The following CHN2 variants were observed in gnomAD, a reference collection of about 807,000 sequenced individuals.
CHN2 encodes the protein chimerin 2.
A neutral mutation model predicts 56.3 loss-of-function variants in CHN2; 35 were observed. The observed-to-expected ratio is 0.62, with a 90% CI of 0.47 to 0.82. The LOEUF (loss-of-function observed/expected upper bound fraction) is 0.82, where lower values mean the gene tolerates loss of function less well. Among genes scored for constraint, CHN2 ranks in the 40% least tolerant of loss-of-function variants. The pLI is 0.00. For synonymous variants in CHN2, 210 were observed against 212.8 expected (o/e 0.99, Z 0.12); for missense variants, 491 against 580.5 (o/e 0.85, Z 1.58).
At chr7:29,457,772 TGC>T (rs753412887) in intron 6 of CHN2, among the ~76,000 whole-genome samples, 6 of 152,264 alleles carry the variant, frequency 3.9e-5, no homozygotes, top group Non-Finnish European at 7.4e-5. Context: ...GACATGGCAG[TGC>T]GCGCTTCCAT....
chr7:29,263,552 T>C (rs945218222), intron 1 of CHN2, among the ~76,000 whole-genome samples: 1 of 151,058 alleles, frequency 6.6e-6, no homozygotes, highest in Non-Finnish European at 1.5e-5. Flanking sequence ...GGAGCGCCTC[T>C]TTCCAGCCGC....
At chr7:29,353,061 CACTG>C (rs1798005863) in intron 1 of CHN2, among the ~76,000 whole-genome samples, 1 of 152,204 alleles carries the variant, frequency 6.6e-6, no homozygotes. Flanking sequence ...ATCACTAACG[CACTG>C]ACTGTGTGTG....
chr7:29,437,671 G>C (rs1585391589), intron 6 of CHN2, among the ~76,000 whole-genome samples: 1 of 151,070 alleles, frequency 6.6e-6, no homozygotes, highest in African/African-American at 2.4e-5. Context: ...GCTTCTTCCT[G>C]CTAAGAGGCT....
chr7:29,451,750 A>G (rs903432530), intron 6 of CHN2, among the ~76,000 whole-genome samples: 37 of 152,160 alleles, frequency 2.4e-4, no homozygotes, highest in Non-Finnish European at 4.3e-4. Flanking sequence ...CCCACCAAGG[A>G]AACTAGGGTG....
At chr7:29,296,287 G>A (rs1793155810) in intron 1 of CHN2, among the ~76,000 whole-genome samples, 1 of 152,020 alleles carries the variant, frequency 6.6e-6, no homozygotes, top group Non-Finnish European at 1.5e-5. Context: ...GTTTCGCCAT[G>A]TTGACCAGGC....
chr7:29,446,917 A>G (rs1784071069), intron 6 of CHN2, among the ~76,000 whole-genome samples: 2 of 152,174 alleles, frequency 1.3e-5, no homozygotes, highest in South Asian at 2.1e-4. Context: ...AGTGGGCCAC[A>G]CTTAGCCCTA....
At chr7:29,306,087 C>T (rs1306000054) in intron 1 of CHN2, among the ~76,000 whole-genome samples, 1 of 152,092 alleles carries the variant, frequency 6.6e-6, no homozygotes. Context: ...TTCCCAATAC[C>T]ATAATTTTAC....
At chr7:29,171,233 C>T (rs759489520) in intron 2 of CHN2, among the ~76,000 whole-genome samples, 19 of 152,144 alleles carry the variant, frequency 1.2e-4, no homozygotes, top group South Asian at 4.1e-4. Flanking sequence ...TCACCTAATA[C>T]GCGTCCTACT....
chr7:29,329,207 CA>C (rs1227742187), intron 1 of CHN2, among the ~76,000 whole-genome samples: 8 of 151,946 alleles, frequency 5.3e-5, no homozygotes, highest in Admixed American at 3.9e-4. Context: ...ATCATTAGCC[CA>C]ACCCAAGAAT....
chr7:29,442,997 G>GT (rs1159956101), intron 6 of CHN2, among the ~76,000 whole-genome samples: 1 of 136,960 alleles, frequency 7.3e-6, no homozygotes, highest in African/African-American at 2.9e-5. Flanking sequence ...GCAGACTGCA[G>GT]TGGCGCAATC....
intron 1 of CHN2, among the ~76,000 whole-genome samples, chr7:29,211,211 A>C (rs39052): frequency 0.43 from 65,233 of 150,896 alleles, 14,369 homozygotes; most frequent in East Asian, 0.58. Context: ...GCTGGGACTA[A>C]AGGCGCCTGC....
chr7:29,344,078 C>G (rs1797246743), intron 1 of CHN2, among the ~76,000 whole-genome samples: 1 of 152,216 alleles, frequency 6.6e-6, no homozygotes, highest in Non-Finnish European at 1.5e-5. Context: ...TCCTTTCCTT[C>G]CCTGTCCATG....
chr7:29,190,074 G>A (rs1782696764), upstream of CHN2, among the ~76,000 whole-genome samples: 1 of 152,210 alleles, frequency 6.6e-6, no homozygotes. Flanking sequence ...AGGAAACAGC[G>A]GGTTTCTCAG....
At chr7:29,288,065 AC>A (rs1474940638) in intron 1 of CHN2, among the ~76,000 whole-genome samples, 2 of 152,216 alleles carry the variant, frequency 1.3e-5, no homozygotes, top group Non-Finnish European at 2.9e-5. Context: ...GAAAAAATAA[AC>A]TATGAAAAAT....
rs572056622 is a variant in CHN2 at position 29,408,649 on chromosome 7, A to G, written c.576+7821A>G. Among the ~76,000 whole-genome samples the G allele has an allele frequency of 8.1e-4, 124 of 152,304 alleles. No individual in the cohort carries two copies. The Middle Eastern group carries it at 0.01, about 13-fold the overall frequency. On this transcript the variant is annotated intron_variant, in intron 6 of 12. Transcript: ENST00000222792. ...CCTGAAATATAAATGATGGGAAACA[A>G]TTAACTGAAGTGGGATTAAAGAATT...
At chr7:29,460,723 C>T (rs1785103726) in intron 6 of CHN2, among the ~76,000 whole-genome samples, 1 of 152,188 alleles carries the variant, frequency 6.6e-6, no homozygotes, top group Non-Finnish European at 1.5e-5. Context: ...AGAGCCATCT[C>T]TTGGTATCGG....
At chr7:29,291,220 ACTT>A (rs1406575697) in intron 1 of CHN2, among the ~76,000 whole-genome samples, 1 of 152,154 alleles carries the variant, frequency 6.6e-6, no homozygotes, top group Non-Finnish European at 1.5e-5. Flanking sequence ...CACTCACCCA[ACTT>A]CTAAGATCTT....
intron 8 of CHN2, among the ~76,000 whole-genome samples, chr7:29,496,293 C>A (rs1368161831): frequency 2.7e-5 from 4 of 150,416 alleles, no homozygotes; most frequent in East Asian, 1.9e-4. Flanking sequence ...CTGCCTCTTA[C>A]AATAGGCAGT....
chr7:29,423,497 C>T (rs1455173666), intron 6 of CHN2, among the ~76,000 whole-genome samples: 1 of 152,234 alleles, frequency 6.6e-6, no homozygotes, highest in African/African-American at 2.4e-5. Context: ...ACTGCCTTGC[C>T]ATACCTCCCC....
Sources: gnomAD v4.1 joint callset for allele counts (sites outside exome capture counted in the v4.1 genomes callset) on GRCh38, gnomAD v4.1.1 for gene constraint, MANE v1.5 for transcripts, NCBI Gene and HGNC (gene_info 2026-07-23, HGNC 2026-07-21) for gene names.